Variants in GPC5 observed in about 807,000 individuals in gnomAD.
GPC5 encodes the protein glypican 5.
In GPC5, 47 loss-of-function variants were observed where a neutral mutation model predicts 53.9. The ratio of observed to expected loss-of-function variants is 0.87; its 90% CI spans 0.69 to 1.11. GPC5 has a LOEUF of 1.11. Among genes scored for constraint, GPC5 ranks in the 50% most tolerant of loss-of-function variants. The pLI is 0.00. For missense variants in GPC5, 748 were observed against 713.1 expected (o/e 1.05, Z -0.56); for synonymous variants, 286 against 263.3 (o/e 1.09, Z -0.84).
intron 6 of GPC5, among the ~76,000 whole-genome samples, chr13:91,932,635 C>T (rs2039832320): frequency 1.3e-5 from 2 of 151,924 alleles, no homozygotes; most frequent in African/African-American, 4.8e-5. Flanking sequence ...TCTGGGTCTT[C>T]CATATTCATT....
intron 7 of GPC5, among the ~76,000 whole-genome samples, chr13:92,765,777 G>A (rs1875381483): frequency 1.3e-5 from 2 of 152,070 alleles, no homozygotes; most frequent in Admixed American, 1.3e-4. Context: ...ACTGTACTAG[G>A]TCAGAAAACC....
chr13:92,551,623 C>T (rs922004585), intron 7 of GPC5, among the ~76,000 whole-genome samples: 1 of 151,802 alleles, frequency 6.6e-6, no homozygotes, highest in Non-Finnish European at 1.5e-5. Context: ...TTTGGTGTGG[C>T]AGAGCATGAA....
At chr13:91,571,850 T>TACGTGTGTGTGTGTACAC (rs2031836500) in intron 2 of GPC5, among the ~76,000 whole-genome samples, 6 of 70,516 alleles carry the variant, frequency 8.5e-5, no homozygotes, top group African/African-American at 5.5e-4. Flanking sequence ...TGTGTGTATA[T>TACGTGTGTGTGTGTACAC]ACACATATAC....
At chr13:91,559,983 C>T (rs915762877) in intron 2 of GPC5, among the ~76,000 whole-genome samples, 1 of 152,070 alleles carries the variant, frequency 6.6e-6, no homozygotes, top group Non-Finnish European at 1.5e-5. Flanking sequence ...GGGTACTAGA[C>T]TAAAGAGGCC....
chr13:91,569,960 A>G (rs1042459317), intron 2 of GPC5, among the ~76,000 whole-genome samples: 5 of 152,330 alleles, frequency 3.3e-5, no homozygotes, highest in Admixed American at 3.3e-4. Flanking sequence ...ATTTTGTTAC[A>G]GCAGGACAAA....
At chr13:92,638,385 A>G (rs1211864818) in intron 7 of GPC5, among the ~76,000 whole-genome samples, 1 of 152,140 alleles carries the variant, frequency 6.6e-6, no homozygotes, top group African/African-American at 2.4e-5. Context: ...AAAGAATGCT[A>G]AATCCTCATC....
chr13:92,673,259 G>GAATT (rs1203345319), intron 7 of GPC5, among the ~76,000 whole-genome samples: 1 of 151,590 alleles, frequency 6.6e-6, no homozygotes, highest in Non-Finnish European at 1.5e-5. Context: ...GTGTTTCAGT[G>GAATT]AATTACTCTT....
At chr13:92,173,563 C>A (rs1400254187) in intron 7 of GPC5, among the ~76,000 whole-genome samples, 1 of 152,066 alleles carries the variant, frequency 6.6e-6, no homozygotes, top group African/African-American at 2.4e-5. Flanking sequence ...ATTACTTATT[C>A]AAATTTTGCT....
intron 7 of GPC5, among the ~76,000 whole-genome samples, chr13:92,352,094 C>A (rs2043482842): frequency 6.6e-6 from 1 of 152,066 alleles, no homozygotes; most frequent in Admixed American, 6.6e-5. Flanking sequence ...GGCATAGGTG[C>A]AGAAACAGTC....
chr13:91,676,333 G>T (rs1191879017), intron 2 of GPC5, among the ~76,000 whole-genome samples: 1 of 152,096 alleles, frequency 6.6e-6, no homozygotes, highest in African/African-American at 2.4e-5. Context: ...AGCCTCCCAA[G>T]GTGGTGGGAT....
chr13:92,155,860 C>T (rs1566460028), intron 7 of GPC5, among the ~76,000 whole-genome samples: 1 of 152,022 alleles, frequency 6.6e-6, no homozygotes, highest in Non-Finnish European at 1.5e-5. Flanking sequence ...CTTTGAAGTG[C>T]TATATCTCAT....
At chr13:91,422,216 G>C (rs192551335) in intron 1 of GPC5, among the ~76,000 whole-genome samples, 2 of 152,326 alleles carry the variant, frequency 1.3e-5, no homozygotes, top group Admixed American at 1.3e-4. Flanking sequence ...TTGGTAAGGT[G>C]CGTATAAAAA....
At chr13:91,725,797 T>A (rs887637010) in intron 3 of GPC5, among the ~76,000 whole-genome samples, 12 of 152,206 alleles carry the variant, frequency 7.9e-5, no homozygotes, top group Non-Finnish European at 1.8e-4. Flanking sequence ...ATAAGATTTC[T>A]CTGAACTCAT....
intron 5 of GPC5, among the ~76,000 whole-genome samples, chr13:91,812,235 T>G (rs1231558029): frequency 6.6e-5 from 10 of 152,234 alleles, no homozygotes; most frequent in African/African-American, 2.4e-4. Flanking sequence ...TCTTTGCTTT[T>G]AAGTTGATTA....
intron 7 of GPC5, chr13:92,658,879 G>A (rs1206988029): frequency 6.6e-6 from 1 of 150,728 alleles, no homozygotes; most frequent in African/African-American, 2.4e-5. Flanking sequence ...ATTTTTTTCT[G>A]GCTTTACTGA....
chr13:92,096,959 C>T (rs1034880171), intron 6 of GPC5, among the ~76,000 whole-genome samples: 16 of 152,090 alleles, frequency 1.1e-4, no homozygotes, highest in African/African-American at 3.4e-4. Context: ...TTTGTAGAAA[C>T]ATGGATATGT....
At chr13:92,527,419 G>A (rs1881405107) in intron 7 of GPC5, among the ~76,000 whole-genome samples, 1 of 152,076 alleles carries the variant, frequency 6.6e-6, no homozygotes, top group South Asian at 2.1e-4. Flanking sequence ...ATGGTTAATA[G>A]CCAAAACTGT....
chr13:92,409,365 A>G lies in GPC5; in HGVS notation c.1561+264376A>G, dbSNP rs971404614. Among the ~76,000 whole-genome samples the G allele has an allele frequency of 3.3e-5, 5 of 152,136 alleles. No individual in the cohort carries two copies. The South Asian group carries it at 8.3e-4, about 25-fold the overall frequency. On this transcript the variant is annotated intron_variant, in intron 7 of 7. Transcript: ENST00000377067. ...ACGTAGAATCATAACGAAGGTAACCATGACAGAATCCCAATGAAAAAATGA... is the reference window on the plus strand; with the variant it reads ...ACGTAGAATCATAACGAAGGTAACCGTGACAGAATCCCAATGAAAAAATGA...
chr13:92,237,493 C>T (rs2042579236), intron 7 of GPC5, among the ~76,000 whole-genome samples: 1 of 152,144 alleles, frequency 6.6e-6, no homozygotes, highest in Non-Finnish European at 1.5e-5. Flanking sequence ...GCTGGGATTA[C>T]AGGTGTGAGC....
Sources: allele counts gnomAD v4.1 joint callset (sites outside exome capture counted in the v4.1 genomes callset), GRCh38; gene constraint gnomAD v4.1.1; transcripts MANE v1.5; gene names NCBI Gene and HGNC (gene_info 2026-07-23, HGNC 2026-07-21).